WWC1: variants seen among roughly 807,000 people sequenced by gnomAD.
WWC1 encodes protein KIBRA.
A neutral mutation model predicts 138.4 loss-of-function variants in WWC1; 55 were observed. The ratio of observed to expected loss-of-function variants is 0.40; its 90% confidence interval spans 0.32 to 0.50. The LOEUF is 0.50. Among genes scored for constraint, WWC1 ranks in the 20% least tolerant of loss-of-function variants. WWC1 has a pLI of 0.72. For synonymous variants in WWC1, 524 were observed against 564.9 expected, an observed-to-expected ratio of 0.93 and a Z score of 1.03; for missense variants, 1,226 against 1,420.4, an observed-to-expected ratio of 0.86 and a Z score of 2.20.
chr5:168,360,603 T>C (rs1415468587), intron 1 of WWC1, among the ~76,000 whole-genome samples: 2 of 152,224 alleles, frequency 1.3e-5, no homozygotes, highest in Non-Finnish European at 2.9e-5. Flanking sequence ...TCTAGCTTCC[T>C]CTGTTTTGCA....
chr5:168,462,328 C>T (rs1365031481), intron 20 of WWC1, among the ~76,000 whole-genome samples: 3 of 152,164 alleles, frequency 2.0e-5, no homozygotes, highest in African/African-American at 7.2e-5. Flanking sequence ...CCTCAGGTGA[C>T]AGGGACAACC....
intron 2 of WWC1, among the ~76,000 whole-genome samples, chr5:168,384,277 GT>G (rs1777869919): frequency 6.6e-6 from 1 of 152,162 alleles, no homozygotes; most frequent in African/African-American, 2.4e-5. Context: ...GATTTAAGAA[GT>G]GAACATATGT....
chr5:168,430,200 G>C lies in WWC1; in HGVS notation c.2064G>C (p.Leu688=). 1 of 1,613,880 alleles carries C rather than the reference G, an allele frequency of 6.2e-7. No homozygotes were observed. Among genetic ancestry groups the C allele is most frequent in the East Asian group, 2.2e-5 (1 of 44,876 alleles). Residue 688 remains leucine, a synonymous_variant, in exon 14 of 23, where the codon CTG becomes CTC. Transcript: ENST00000265293. ...TCCAGCTGAGTAACCTTTCTGCTCT[G>C]TTGCAGCAACAAGACCAGAAAGTGT... ...LIIQLSNLSA[L]LQQQDQKVNI...
rs772425970 is a variant in WWC1, at chr5:168,441,737, G to C, written c.2336G>C (p.Arg779Pro). The C allele has an allele frequency of 6.2e-7, 1 of 1,614,058 alleles. No individual in the cohort carries two copies. The highest frequency in any genetic ancestry group is 1.1e-5 in the South Asian group (1 of 91,078). ...EVCRSGERST[R>P]WYNLLSYKYL... ...TGCCGGTCTGGGGAGAGGTCGACTCGCTGGTACAACCTTCTCAGCTACAAA... is the reference window on the plus strand; with the variant it reads ...TGCCGGTCTGGGGAGAGGTCGACTCCCTGGTACAACCTTCTCAGCTACAAA... Residue 779 changes from arginine (R) to proline (P), a missense_variant, in exon 16 of 23, where the codon CGC (arginine) becomes CCC (proline). By Grantham distance (103) the Arg-to-Pro change is moderately radical. Around this residue, in one of 3 missense-constraint regions of WWC1, gnomAD observed 1,016 missense variants for 1,153.9 expected, o/e 0.88. Coordinates refer to ENST00000265293, the MANE Select transcript of WWC1 (RefSeq NM_015238.3).
intron 1 of WWC1, among the ~76,000 whole-genome samples, chr5:168,306,178 TG>T (rs1464217063): frequency 6.6e-6 from 1 of 152,048 alleles, no homozygotes; most frequent in Non-Finnish European, 1.5e-5. Context: ...TGGGCAGATA[TG>T]TGAGGTCAGG....
At chr5:168,343,669 A>G (rs1405880890) in intron 1 of WWC1, among the ~76,000 whole-genome samples, 2 of 152,140 alleles carry the variant, frequency 1.3e-5, no homozygotes, top group African/African-American at 2.4e-5. Context: ...TAAAAATACA[A>G]AAATTAGCTG....
intron 1 of WWC1, among the ~76,000 whole-genome samples, chr5:168,328,390 G>A (rs925023432): frequency 2.0e-5 from 3 of 152,120 alleles, no homozygotes; most frequent in Non-Finnish European, 4.4e-5. Context: ...AAGATTCTTG[G>A]TTGATCTTGA....
rs1342504016 is a variant in WWC1, at chr5:168,292,334, G to A, written c.119+63G>A. 3.9e-6 allele frequency: 6 copies of A among 1,526,264 alleles called. No homozygotes were observed. The African/African-American group carries it at 5.6e-5, about 14-fold the overall frequency. The allele number at this position is 1,526,264 out of a possible 1,614,324, so 94.5% of individuals were successfully genotyped here. On this transcript the variant is annotated intron_variant, in intron 1 of 22. Coordinates refer to ENST00000265293, the MANE Select transcript of WWC1 (RefSeq NM_015238.3). This position sits in a 1 kb window ranked among gnomAD's most constrained non-coding sequence, Gnocchi z 4.4. ...CCGCCTGGGCCCCCACCTGCCCCTG[G>A]AGCCGCCGGCCGGGACTGGGAGGGG...
chr5:168,408,773 C>T (rs1045494281), intron 7 of WWC1, 120 bp downstream of exon 7: 2 of 1,371,918 alleles, frequency 1.5e-6, no homozygotes, highest in Non-Finnish European at 2.0e-6. Flanking sequence ...CTCTGCAGGG[C>T]TGGCTGCTGC....
At chr5:168,324,788 G>A (rs1772400012) in intron 1 of WWC1, among the ~76,000 whole-genome samples, 1 of 152,136 alleles carries the variant, frequency 6.6e-6, no homozygotes, top group African/African-American at 2.4e-5. Context: ...CCTGTAACAG[G>A]TTCACTTTAA....
At chr5:168,375,421 A>T (rs1368887985) in intron 2 of WWC1, among the ~76,000 whole-genome samples, 1 of 152,198 alleles carries the variant, frequency 6.6e-6, no homozygotes, top group Non-Finnish European at 1.5e-5. Flanking sequence ...AGGATAAACC[A>T]ATAGATTTAG....
chr5:168,309,902 G>A (rs1770914663), intron 1 of WWC1, among the ~76,000 whole-genome samples: 1 of 152,024 alleles, frequency 6.6e-6, no homozygotes, highest in Admixed American at 6.6e-5. Flanking sequence ...AGACAAGCAC[G>A]ACAAACTACA....
intron 1 of WWC1, among the ~76,000 whole-genome samples, chr5:168,359,990 A>G (rs1312352751): frequency 6.6e-6 from 1 of 152,236 alleles, no homozygotes; most frequent in Admixed American, 6.5e-5. Flanking sequence ...GGTCTGTTGC[A>G]TACCTTCTCC....
intron 1 of WWC1, among the ~76,000 whole-genome samples, chr5:168,314,273 A>G (rs902194227): frequency 1.3e-5 from 2 of 152,194 alleles, no homozygotes; most frequent in Non-Finnish European, 2.9e-5. Context: ...TGGGAGAAGT[A>G]TTGATGTGAG....
chr5:168,340,382 G>A (rs1773943113), intron 1 of WWC1, among the ~76,000 whole-genome samples: 1 of 152,134 alleles, frequency 6.6e-6, no homozygotes, highest in African/African-American at 2.4e-5. Flanking sequence ...ACAATTAAGT[G>A]GCTCTTAGTA....
At chr5:168,311,594 G>A (rs1326355619) in intron 1 of WWC1, among the ~76,000 whole-genome samples, 1 of 131,606 alleles carries the variant, frequency 7.6e-6, no homozygotes, top group African/African-American at 2.7e-5. Context: ...TAATAGACCA[G>A]GCACAGTGGC....
chr5:168,356,187 C>T (rs752057269), intron 1 of WWC1, among the ~76,000 whole-genome samples: 3 of 152,186 alleles, frequency 2.0e-5, no homozygotes, highest in East Asian at 1.9e-4. Context: ...TGATTTCTGC[C>T]GACTAGATTC....
intron 1 of WWC1, among the ~76,000 whole-genome samples, chr5:168,309,559 A>G (rs561697893): frequency 1.3e-5 from 2 of 151,980 alleles, no homozygotes; most frequent in African/African-American, 2.4e-5. Flanking sequence ...TTCTTCCTTC[A>G]TCTAGCTGCC....
intron 18 of WWC1, 31 bp from the exon 19 acceptor site, chr5:168,455,325 T>C (rs1756209789): frequency 1.3e-6 from 2 of 1,548,592 alleles, no homozygotes; most frequent in South Asian, 1.2e-5. Flanking sequence ...CTGTGGACAC[T>C]GGTGGCTTCA....
Sources: allele counts gnomAD v4.1 joint callset (sites outside exome capture counted in the v4.1 genomes callset), GRCh38; gene constraint gnomAD v4.1.1; regional missense constraint gnomAD v4.1.1; non-coding constraint Gnocchi (gnomAD v3.1); transcripts MANE v1.5; gene names NCBI Gene and HGNC (gene_info 2026-07-23, HGNC 2026-07-21).